Variants in SIRPG observed in about 807,000 individuals in gnomAD.
The protein encoded by SIRPG is signal regulatory protein gamma.
SIRPG carries 38 observed loss-of-function variants against 35.7 expected under a neutral mutation model. That is an observed-to-expected ratio of 1.06 (90% CI 0.82 to 1.40). SIRPG has a LOEUF of 1.40. Ranked by LOEUF, SIRPG falls within the 40% of genes most tolerant of loss-of-function variation. The pLI is 0.00. For synonymous variants in SIRPG, 215 were observed against 190.4 expected, an observed-to-expected ratio of 1.13 and a Z score of -1.06; for missense variants, 519 against 483.0, an observed-to-expected ratio of 1.07 and a Z score of -0.70.
intron 4 of SIRPG, 115 bp from the exon 5 acceptor site, chr20:1,630,421 C>A: frequency 1.4e-6 from 1 of 723,440 alleles, no homozygotes. Flanking sequence ...CACCTTTGAA[C>A]CTGCATCCTG....
the SIRPG span, among the ~76,000 whole-genome samples, chr20:1,664,315 T>G: frequency 6.6e-6 from 1 of 152,106 alleles, no homozygotes; most frequent in Non-Finnish European, 1.5e-5. Context: ...AAGAGAACTG[T>G]TTTTTTCCCT....
chr20:1,645,642 T>A (rs1413477455), intron 2 of SIRPG, among the ~76,000 whole-genome samples: 1 of 152,236 alleles, frequency 6.6e-6, no homozygotes, highest in African/African-American at 2.4e-5. Context: ...CAGTCTGTGA[T>A]GTCGGTGTTA....
intron 2 of SIRPG, among the ~76,000 whole-genome samples, chr20:1,642,937 T>TTCTGTTAG: frequency 6.6e-6 from 1 of 152,318 alleles, no homozygotes; most frequent in Non-Finnish European, 1.5e-5. Context: ...CTAATAGTTG[T>TTCTGTTAG]TCTGTTAGTC....
the SIRPG span, among the ~76,000 whole-genome samples, chr20:1,676,504 A>G: frequency 6.6e-6 from 1 of 152,332 alleles, no homozygotes; most frequent in South Asian, 2.1e-4. Context: ...ATAAGGAATG[A>G]TAGGGTTTAT....
chr20:1,668,199 T>TTTCTTTCTTTCTTTCTTTC, the SIRPG span, among the ~76,000 whole-genome samples: 11 of 67,448 alleles, frequency 1.6e-4, no homozygotes, highest in East Asian at 8.3e-3. Flanking sequence ...TTTTCTTTTC[T>TTTCTTTCTTTCTTTCTTTC]TTTCTTTCTT....
At chr20:1,685,171 G>C in the SIRPG span, among the ~76,000 whole-genome samples, 1 of 152,126 alleles carries the variant, frequency 6.6e-6, no homozygotes, top group Non-Finnish European at 1.5e-5. Context: ...ACCAGGAAAG[G>C]TCTTCCAATC....
At position 1,649,540 on chromosome 20, in the gene SIRPG, T is replaced by A. The variant is rs1568736190; in HGVS notation, c.74-132A>T. ...CAGGACTTGATCTCAGCACACTGCA[T>A]GTATTATCTCATTTAACCCTCACAA... On this transcript the variant is annotated intron_variant, in intron 1 of 5. Coordinates refer to ENST00000303415, the MANE Select transcript of SIRPG (RefSeq NM_018556.4). 4 of 763,290 alleles carry A rather than the reference T, an allele frequency of 5.2e-6. No homozygotes were observed. The East Asian group carries it at 7.6e-5, about 15-fold the overall frequency. The allele number at this position is 763,290 out of a possible 1,614,324, so 47.3% of individuals were successfully genotyped here. A position where few individuals can be genotyped will look rare whatever the true frequency, so the allele number is the denominator to read the frequency against.
Position 1,636,469 on chromosome 20 carries a change from G to C in SIRPG, c.467C>G (p.Ala156Gly). Residue 156 changes from alanine to glycine, a missense_variant, in exon 3 of 6, where the codon GCG becomes GGG. By Grantham distance (60) the Ala-to-Gly change is moderately conservative. Transcript: ENST00000303415. ...PSAPVVLGPA[A>G]RTTPEHTVSF... is the part of the protein sequence containing the mutation. ...CACTGTATGCTCAGGTGTGGTCCTC[G>C]CCGCAGGGCCCAATACCACGGGGGC... The C allele has an allele frequency of 1.2e-6, 2 of 1,614,220 alleles. No individual in the cohort carries two copies. The highest frequency in any genetic ancestry group is 1.7e-6 in the Non-Finnish European group (2 of 1,180,040).
At chr20:1,665,487 G>A in the SIRPG span, 33 of 152,412 alleles carry the variant, frequency 2.2e-4, no homozygotes, top group African/African-American at 7.7e-4. Context: ...GGCCCAACAA[G>A]GCTCCAAAAC....
chr20:1,634,911 CG>C (rs1257090282), intron 4 of SIRPG, among the ~76,000 whole-genome samples: 4 of 151,478 alleles, frequency 2.6e-5, no homozygotes, highest in Admixed American at 2.6e-4. Context: ...GGCGTGGTGG[CG>C]GGCGCCTGTA....
chr20:1,643,512 A>T (rs2091872671), intron 2 of SIRPG, among the ~76,000 whole-genome samples: 1 of 152,000 alleles, frequency 6.6e-6, no homozygotes, highest in Non-Finnish European at 1.5e-5. Context: ...GTTGGGTTAG[A>T]ACTTGCTCCC....
At chr20:1,636,074 G>A (rs1207229540) in intron 3 of SIRPG, 114 bp downstream of exon 3, 2 of 1,466,992 alleles carry the variant, frequency 1.4e-6, no homozygotes, top group African/African-American at 1.4e-5. Context: ...CGGGCGGGCA[G>A]TATAGTCAGG....
At position 1,630,317 on chromosome 20, in the gene SIRPG, G is replaced by A. The variant is rs1281364880; in HGVS notation, c.1082-11C>T. Reference sequence around the variant, plus strand: ...GGGATGATGCCGGGCCTGGAAATCAGGGAAGACGAGGGGCTATGAGAGAGA... The same window carrying A: ...GGGATGATGCCGGGCCTGGAAATCAAGGAAGACGAGGGGCTATGAGAGAGA... On this transcript the variant is annotated splice_polypyrimidine_tract_variant and intron_variant, in intron 4 of 5. Coordinates refer to ENST00000303415, the MANE Select transcript of SIRPG (RefSeq NM_018556.4). The A allele has an allele frequency of 6.5e-7, 1 of 1,547,600 alleles. No homozygotes were observed. The highest frequency in any genetic ancestry group is 1.2e-5 in the South Asian group (1 of 84,070).
chr20:1,669,440 G>T, the SIRPG span, among the ~76,000 whole-genome samples: 3 of 152,206 alleles, frequency 2.0e-5, no homozygotes, highest in Admixed American at 1.3e-4. Flanking sequence ...CACAGAAGAG[G>T]CTCATGCTGT....
In SIRPG at chr20:1,649,170, G is replaced by A; in HGVS notation, c.312C>T (p.Ile104=). 2 of 1,614,124 alleles carry A rather than the reference G, an allele frequency of 1.2e-6. No homozygotes were observed. Among genetic ancestry groups the A allele is most frequent in the Non-Finnish European group, 1.7e-6 (2 of 1,180,026 alleles). Reference sequence around the variant, plus strand: ...CTGCTGGGGTGATGCTACTGATGCGGATGGAAAAGTCCATGTTGTTTCTCT... The same window carrying A: ...CTGCTGGGGTGATGCTACTGATGCGAATGGAAAAGTCCATGTTGTTTCTCT... ...LTKRNNMDFS[I]RISSITPADV... is the part of the protein sequence containing the mutation. The change falls in exon 2 of 6, where the codon ATC becomes ATT. Residue 104 remains isoleucine (I), a synonymous_variant. Coordinates refer to ENST00000303415, the MANE Select transcript of SIRPG (RefSeq NM_018556.4).
At position 1,635,557 on chromosome 20, in the gene SIRPG, C is replaced by T. The variant is rs753971956; in HGVS notation, c.791G>A (p.Gly264Glu). The change falls in exon 4 of 6, where the codon GGG becomes GAG. Residue 264 changes from glycine (G) to glutamate (E), a missense_variant. Coordinates refer to ENST00000303415, the MANE Select transcript of SIRPG (RefSeq NM_018556.4). Reference protein sequence around the residue: ...LEVTQQPMRVGNQVNVTCQVR... With the variant: ...LEVTQQPMRVENQVNVTCQVR... ...CTGGCAGGTGACGTTTACCTGGTTC[C>T]CCACCCTCATGGGCTGTTGAGTAAC... 6.2e-7 allele frequency: 1 copy of T among 1,614,042 alleles called. No individual in the cohort carries two copies. Among genetic ancestry groups the T allele is most frequent in the Non-Finnish European group, 8.5e-7 (1 of 1,180,018 alleles).
chr20:1,647,602 C>T (rs1342002745), intron 2 of SIRPG: 2 of 152,212 alleles, frequency 1.3e-5, no homozygotes, highest in South Asian at 2.1e-4. Context: ...CAAGGCCATC[C>T]ACTGCAGGAT....
At chr20:1,657,285 G>T (rs2091981220) in intron 1 of SIRPG, among the ~76,000 whole-genome samples, 1 of 152,192 alleles carries the variant, frequency 6.6e-6, no homozygotes. Flanking sequence ...AATATAGGAC[G>T]CTGTAAGCAT....
the SIRPG span, among the ~76,000 whole-genome samples, chr20:1,684,914 T>C: frequency 6.6e-6 from 1 of 152,226 alleles, no homozygotes; most frequent in Non-Finnish European, 1.5e-5. Flanking sequence ...GTCTACCTTG[T>C]AGGAAGAGCT....
Sources: allele counts gnomAD v4.1 joint callset (sites outside exome capture counted in the v4.1 genomes callset), GRCh38; gene constraint gnomAD v4.1.1; transcripts MANE v1.5; gene names NCBI Gene and HGNC (gene_info 2026-07-23, HGNC 2026-07-21).